The following SRC variants were observed in gnomAD, a reference collection of about 807,000 sequenced individuals.
The protein encoded by SRC is SRC proto-oncogene, non-receptor tyrosine kinase.
A neutral mutation model predicts 62.9 loss-of-function variants in SRC; 13 were observed. That is an observed-to-expected ratio of 0.21 (90% CI 0.13 to 0.33). The LOEUF is 0.33. SRC is among the 10% of genes least tolerant of loss of function. The pLI is 1.00. For synonymous variants in SRC, 302 were observed against 317.5 expected (o/e 0.95, Z 0.52); for missense variants, 457 against 737.3 (o/e 0.62, Z 4.40).
intron 1 of SRC, among the ~76,000 whole-genome samples, chr20:37,356,940 G>T (rs1016564132): frequency 6.6e-6 from 1 of 152,130 alleles, no homozygotes; most frequent in African/African-American, 2.4e-5. Context: ...GCAAAAATGG[G>T]GGTCACACTA....
chr20:37,379,767 G>A (rs1487228990), intron 2 of SRC, among the ~76,000 whole-genome samples: 1 of 148,964 alleles, frequency 6.7e-6, no homozygotes, highest in Non-Finnish European at 1.5e-5. Flanking sequence ...GTGGTATTCG[G>A]TGACTGTAAT....
At chr20:37,379,132 G>A (rs898040297) in intron 2 of SRC, among the ~76,000 whole-genome samples, 14 of 152,214 alleles carry the variant, frequency 9.2e-5, no homozygotes, top group African/African-American at 3.1e-4. Context: ...GGCACCTCTC[G>A]AGGGAGCGAG....
intron 2 of SRC, among the ~76,000 whole-genome samples, chr20:37,376,662 C>T (rs1231592028): frequency 1.3e-5 from 2 of 152,220 alleles, no homozygotes; most frequent in Non-Finnish European, 2.9e-5. Context: ...CGCCACCATG[C>T]CCAGCTAATT....
At chr20:37,381,054 G>A (rs191334627) in intron 2 of SRC, among the ~76,000 whole-genome samples, 170 of 152,048 alleles carry the variant, frequency 1.1e-3, no homozygotes, top group African/African-American at 3.9e-3. Context: ...GGCGAAGGGC[G>A]GCCGGCCAGG....
Position 37,397,790 on chromosome 20 carries a change from C to A in SRC, c.795C>A (p.Ile265=). The A allele has an allele frequency of 6.2e-7, 1 of 1,612,532 alleles. No individual in the cohort carries two copies. The highest frequency in any genetic ancestry group is 8.5e-7 in the Non-Finnish European group (1 of 1,179,790). Residue 265 remains isoleucine (I), a synonymous_variant, in exon 9 of 14, where the codon ATC becomes ATA. Transcript: ENST00000373578. This position sits in a 1 kb window ranked among gnomAD's most constrained non-coding sequence, Gnocchi z 4.1. ...TQGLAKDAWE[I]PRESLRLEVK... is the part of the protein sequence containing the mutation. ...GCCTGGCCAAGGATGCCTGGGAGAT[C>A]CCTCGGGAGTCGCTGCGGCTGGAGG...
At position 37,396,345 on chromosome 20, in the gene SRC, G is replaced by A. The variant is rs780947283; in HGVS notation, c.703+34G>A. 4 of 1,608,744 alleles carry A rather than the reference G, an allele frequency of 2.5e-6. No individual in the cohort carries two copies. In the South Asian group the frequency reaches 3.3e-5, roughly 13 times the overall value. On this transcript the variant is annotated intron_variant, in intron 8 of 13. Coordinates refer to ENST00000373578, the MANE Select transcript of SRC (RefSeq NM_198291.3). This position sits in a 1 kb window ranked among gnomAD's most constrained non-coding sequence, Gnocchi z 6.1. ...GCCTCGGAGGGCGGAGGGCGGGCGGGCAAAGCCTCAGCTGCAGACTCTGGG... is the reference window on the plus strand; with the variant it reads ...GCCTCGGAGGGCGGAGGGCGGGCGGACAAAGCCTCAGCTGCAGACTCTGGG...
chr20:37,403,765 C>T lies in SRC; in HGVS notation c.*386C>T, dbSNP rs886108104. 16 of 293,826 alleles carry T rather than the reference C, an allele frequency of 5.4e-5. No individual in the cohort carries two copies. Among genetic ancestry groups the T allele is most frequent in the East Asian group, 9.9e-5 (2 of 20,218 alleles). 18.2% of individuals were successfully genotyped at this position (293,826 alleles called of 1,614,324 possible). On this transcript the variant is annotated 3_prime_UTR_variant, in exon 14 of 14. Transcript: ENST00000373578. The surrounding 1 kb of genome is among the most constrained non-coding windows in gnomAD (Gnocchi z 7.1). ...TCCTTCCCCACTTCTGTGCCACCCC[C>T]GGTCTATGTCGAGAGCTGGCCAAAG... is the stretch of plus-strand genomic sequence containing the variant.
At position 37,384,447 on chromosome 20, in the gene SRC, C is replaced by T. The variant is rs2070416103; in HGVS notation, c.250+44C>T. ...CGGGGTCCTCGCCCACCTGGGGCCA[C>T]GGCGGGGAGGCGGCGGGGCTGTGTG... On this transcript the variant is annotated intron_variant, in intron 4 of 13. Transcript: ENST00000373578. This position sits in a 1 kb window ranked among gnomAD's most constrained non-coding sequence, Gnocchi z 6.7. The T allele has an allele frequency of 1.6e-6, 2 of 1,267,242 alleles. No individual in the cohort carries two copies. The highest frequency in any genetic ancestry group is 1.6e-5 in the African/African-American group (1 of 62,272). The allele number at this position is 1,267,242 out of a possible 1,614,324, so 78.5% of individuals were successfully genotyped here. A position where few individuals can be genotyped will look rare whatever the true frequency, so the allele number is the denominator to read the frequency against.
intron 2 of SRC, among the ~76,000 whole-genome samples, chr20:37,368,518 C>CTTTTTTTTTTTTTTGTTTTTTTTTTTTTT (rs2070102489): frequency 2.7e-5 from 2 of 73,896 alleles, no homozygotes; most frequent in African/African-American, 4.3e-5. Flanking sequence ...CCTATATTTT[C>CTTTTTTTTTTTTTTGTTTTTTTTTTTTTT]TTTTTTTTTT....
rs2147137424 is a variant in SRC at position 37,405,891 on chromosome 20, CCTT to C, written c.*2514_*2516del. The C allele has an allele frequency of 6.6e-6, 1 of 152,452 alleles. No individual in the cohort carries two copies. The highest frequency in any genetic ancestry group is 1.5e-5 in the Non-Finnish European group (1 of 68,058). The allele number at this position is 152,452 out of a possible 1,614,324, so 9.4% of individuals were successfully genotyped here. ...TCCAAAGACCCTTCCCCTCCTCCCTCCTTCCCCACCACCGAAGCACACAGTCTT... is the reference window on the plus strand; with the variant it reads ...TCCAAAGACCCTTCCCCTCCTCCCTCCCCCACCACCGAAGCACACAGTCTT... On this transcript the variant is annotated 3_prime_UTR_variant, in exon 14 of 14. Transcript: ENST00000373578.
Position 37,394,046 on chromosome 20 carries a change from C to T in SRC, c.449+53C>T. On this transcript the variant is annotated intron_variant, in intron 6 of 13. Coordinates refer to ENST00000373578, the MANE Select transcript of SRC (RefSeq NM_198291.3). Reference sequence around the variant, plus strand: ...CCGTCGTCCCTGGACACTGCCGGTGCAGAGTGCCTCTCCTGGGCTGGGGTG... The same window carrying T: ...CCGTCGTCCCTGGACACTGCCGGTGTAGAGTGCCTCTCCTGGGCTGGGGTG... 4 of 1,579,576 alleles carry T rather than the reference C, an allele frequency of 2.5e-6. No homozygotes were observed. In the Admixed American group the frequency reaches 5.0e-5, roughly 20 times the overall value.
intron 1 of SRC, among the ~76,000 whole-genome samples, chr20:37,358,631 T>A (rs2069919626): frequency 6.6e-6 from 1 of 152,224 alleles, no homozygotes; most frequent in Non-Finnish European, 1.5e-5. Context: ...TCCAGTCCCC[T>A]ACAGTGCAGG....
Position 37,396,443 on chromosome 20 carries a change from C to G in SRC, c.703+132C>G. The G allele has an allele frequency of 4.8e-6, 5 of 1,040,346 alleles. No individual in the cohort carries two copies. The highest frequency in any genetic ancestry group is 1.6e-5 in the African/African-American group (1 of 62,222). 64.4% of individuals were successfully genotyped at this position (1,040,346 alleles called of 1,614,324 possible). On this transcript the variant is annotated intron_variant, in intron 8 of 13. Coordinates refer to ENST00000373578, the MANE Select transcript of SRC (RefSeq NM_198291.3). This position sits in a 1 kb window ranked among gnomAD's most constrained non-coding sequence, Gnocchi z 6.1. ...CTCTCCCCACTTCCCCCTCCCCCCT[C>G]CCTTCCTCTCTCCTCCCTTTTCCCT... is the stretch of plus-strand genomic sequence containing the variant.
chr20:37,369,323 T>G (rs1305183893), intron 2 of SRC, among the ~76,000 whole-genome samples: 3 of 152,232 alleles, frequency 2.0e-5, no homozygotes, highest in Non-Finnish European at 4.4e-5. Context: ...TTTCCATTTC[T>G]TTCAAAATTT....
chr20:37,361,962 T>TGTAGAGATGCTGGGGTCTCTGTGTGCAG (rs1462192731), intron 1 of SRC, among the ~76,000 whole-genome samples: 11 of 143,622 alleles, frequency 7.7e-5, no homozygotes, highest in South Asian at 4.5e-4. Flanking sequence ...CAGGTAGAGA[T>TGTAGAGATGCTGGGGTCTCTGTGTGCAG]GTAGAGATGC....
rs779132290 is a variant in SRC at position 37,402,473 on chromosome 20, C to T, written c.1155C>T (p.Tyr385=). 1.1e-5 allele frequency: 17 copies of T among 1,613,856 alleles called. No homozygotes were observed. Among genetic ancestry groups the T allele is most frequent in the African/African-American group, 8.0e-5 (6 of 74,900 alleles). ...SGMAYVERMN[Y]VHRDLRAANI... ...TGGCGTACGTGGAGCGGATGAACTA[C>T]GTCCACCGGGACCTTCGTGCAGCCA... The change falls in exon 12 of 14, where the codon TAC becomes TAT. Residue 385 remains tyrosine, a synonymous_variant. Transcript: ENST00000373578. The surrounding 1 kb of genome is among the most constrained non-coding windows in gnomAD (Gnocchi z 6.2).
At chr20:37,354,990 G>A (rs1383062375) in intron 1 of SRC, among the ~76,000 whole-genome samples, 3 of 152,180 alleles carry the variant, frequency 2.0e-5, no homozygotes, top group Non-Finnish European at 4.4e-5. Context: ...CTGGCAGGAG[G>A]GGCGAGCAGC....
At position 37,397,747 on chromosome 20, in the gene SRC, C is replaced by G; in HGVS notation, c.752C>G (p.Ser251Cys). ...CHRLTTVCPT[S>C]KPQTQGLAKD... ...CGCCTCACCACCGTGTGCCCCACGT[C>G]CAAGCCGCAGACTCAGGGCCTGGCC... Residue 251 changes from serine (S) to cysteine (C), a missense_variant, in exon 9 of 14, where the codon TCC becomes TGC. Around this residue, in one of 4 missense-constraint regions of SRC, gnomAD observed 141 missense variants for 198.4 expected, o/e 0.71. Coordinates refer to ENST00000373578, the MANE Select transcript of SRC (RefSeq NM_198291.3). This position sits in a 1 kb window ranked among gnomAD's most constrained non-coding sequence, Gnocchi z 4.1. The G allele has an allele frequency of 6.2e-7, 1 of 1,609,654 alleles. No individual in the cohort carries two copies. Among genetic ancestry groups the G allele is most frequent in the South Asian group, 1.1e-5 (1 of 90,518 alleles).
At chr20:37,373,397 G>A (rs75295421) in intron 2 of SRC, among the ~76,000 whole-genome samples, 34,165 of 151,094 alleles carry the variant, frequency 0.23, 5,607 homozygotes, top group African/African-American at 0.47. Context: ...ACATATATGC[G>A]TATATATACG....
Sources: gnomAD v4.1 joint callset for allele counts (sites outside exome capture counted in the v4.1 genomes callset) on GRCh38, gnomAD v4.1.1 for gene constraint, gnomAD v4.1.1 regional missense constraint, Gnocchi (gnomAD v3.1) non-coding constraint, MANE v1.5 for transcripts, NCBI Gene and HGNC (gene_info 2026-07-23, HGNC 2026-07-21) for gene names.